Variants in RGL1 observed in about 807,000 individuals in gnomAD.
The protein encoded by RGL1 is ral guanine nucleotide dissociation stimulator like 1.
RGL1 carries 24 observed loss-of-function variants against 95.2 expected under a neutral mutation model. The ratio of observed to expected loss-of-function variants is 0.25; its 90% confidence interval spans 0.18 to 0.35. RGL1 has a LOEUF of 0.35. Among genes scored for constraint, RGL1 ranks in the 10% least tolerant of loss-of-function variants. The pLI, the probability that RGL1 is intolerant of heterozygous loss-of-function variation, is 1.00. For missense variants in RGL1, 715 were observed against 936.3 expected, an observed-to-expected ratio of 0.76 and a Z score of 3.08; for synonymous variants, 329 against 344.9, an observed-to-expected ratio of 0.95 and a Z score of 0.51.
chr1:183,826,609 A>G (rs1383986340), intron 2 of RGL1, among the ~76,000 whole-genome samples: 1 of 152,234 alleles, frequency 6.6e-6, no homozygotes, highest in Non-Finnish European at 1.5e-5. Flanking sequence ...AAAAGTGTAT[A>G]GGTATATAGA....
intron 7 of RGL1, among the ~76,000 whole-genome samples, chr1:183,885,845 AATC>A (rs970433267): frequency 9.2e-5 from 14 of 152,160 alleles, no homozygotes; most frequent in African/African-American, 3.4e-4. Context: ...GGGAGAGAGA[AATC>A]ATTTCTGATG....
intron 2 of RGL1, among the ~76,000 whole-genome samples, chr1:183,791,706 G>A (rs1015051396): frequency 6.6e-6 from 1 of 152,206 alleles, no homozygotes; most frequent in Non-Finnish European, 1.5e-5. Flanking sequence ...TTTGATAAGT[G>A]TGGAAGGTAA....
intron 1 of RGL1, among the ~76,000 whole-genome samples, chr1:183,655,999 C>T (rs1474101132): frequency 1.3e-5 from 2 of 152,052 alleles, no homozygotes; most frequent in Admixed American, 6.5e-5. Flanking sequence ...ACACTAGGCC[C>T]CAGCCGACCA....
At chr1:183,781,986 A>G (rs1047439529) in intron 2 of RGL1, among the ~76,000 whole-genome samples, 1 of 152,220 alleles carries the variant, frequency 6.6e-6, no homozygotes, top group South Asian at 2.1e-4. Flanking sequence ...TTTTATTCCT[A>G]AAGTGTTTTC....
chr1:183,894,129 G>T (rs1230861123), intron 9 of RGL1, among the ~76,000 whole-genome samples: 1 of 152,192 alleles, frequency 6.6e-6, no homozygotes, highest in East Asian at 1.9e-4. Context: ...CATCTGGCTG[G>T]AAGGAGATGG....
intron 2 of RGL1, among the ~76,000 whole-genome samples, chr1:183,788,844 G>T (rs558051612): frequency 1.3e-5 from 2 of 152,122 alleles, no homozygotes; most frequent in Admixed American, 1.3e-4. Flanking sequence ...AGGGGGGCAC[G>T]TCCAGGATTC....
At chr1:183,707,802 A>G (rs2102162826) in intron 1 of RGL1, among the ~76,000 whole-genome samples, 1 of 151,974 alleles carries the variant, frequency 6.6e-6, no homozygotes, top group East Asian at 1.9e-4. Context: ...GGGGTTAAAG[A>G]AGATGGTTGA....
intron 1 of RGL1, among the ~76,000 whole-genome samples, chr1:183,668,258 A>G (rs1243214152): frequency 6.6e-6 from 1 of 152,018 alleles, no homozygotes; most frequent in Non-Finnish European, 1.5e-5. Flanking sequence ...AATTCTCTCA[A>G]TTTTTGCCTG....
At position 183,805,225 on chromosome 1, in the gene RGL1, C is replaced by G; in HGVS notation, c.-73C>G. The G allele has an allele frequency of 6.3e-7, 1 of 1,590,050 alleles. No individual in the cohort carries two copies. The highest frequency in any genetic ancestry group is 1.1e-5 in the South Asian group (1 of 87,586). On this transcript the variant is annotated 5_prime_UTR_variant, in exon 1 of 18. Transcript: ENST00000360851. Reference sequence around the variant, plus strand: ...CGGGGCGAGGCGCCGCGGGGCTGAGCCCAGCAGACATTGCGTTGGCCTCCG... The same window carrying G: ...CGGGGCGAGGCGCCGCGGGGCTGAGGCCAGCAGACATTGCGTTGGCCTCCG...
chr1:183,790,490 C>T (rs1660392699), intron 2 of RGL1, among the ~76,000 whole-genome samples: 1 of 152,072 alleles, frequency 6.6e-6, no homozygotes, highest in Non-Finnish European at 1.5e-5. Flanking sequence ...CATGCCTTAC[C>T]CTCAAGCCTT....
chr1:183,872,034 A>G (rs1666213038), intron 4 of RGL1, among the ~76,000 whole-genome samples: 1 of 152,242 alleles, frequency 6.6e-6, no homozygotes, highest in Non-Finnish European at 1.5e-5. Flanking sequence ...GCCACTATTT[A>G]TCAATTAGGA....
At chr1:183,848,120 C>T (rs1664566879) in intron 3 of RGL1, among the ~76,000 whole-genome samples, 1 of 152,062 alleles carries the variant, frequency 6.6e-6, no homozygotes, top group African/African-American at 2.4e-5. Context: ...AAGAATTTTA[C>T]TGGGATGTTG....
intron 1 of RGL1, chr1:183,647,056 T>C (rs755276892): frequency 6.6e-6 from 1 of 152,262 alleles, no homozygotes; most frequent in Non-Finnish European, 1.5e-5. Context: ...CTCTATCATC[T>C]GCTCAGAAGG....
At chr1:183,696,682 C>T (rs566283739) in intron 1 of RGL1, among the ~76,000 whole-genome samples, 193 of 152,182 alleles carry the variant, frequency 1.3e-3, no homozygotes, top group Admixed American at 2.4e-3. Context: ...ACATCTCAAA[C>T]TTCTCATGTT....
chr1:183,858,743 C>A (rs1306816421), intron 3 of RGL1, among the ~76,000 whole-genome samples: 1 of 152,038 alleles, frequency 6.6e-6, no homozygotes, highest in Non-Finnish European at 1.5e-5. Flanking sequence ...GCCCCTAGTC[C>A]TGGGAACACA....
intron 1 of RGL1, among the ~76,000 whole-genome samples, chr1:183,717,576 T>A (rs1011466895): frequency 1.3e-5 from 2 of 152,206 alleles, no homozygotes; most frequent in Non-Finnish European, 2.9e-5. Context: ...TTTATTTATA[T>A]TTGGTACTTT....
intron 2 of RGL1, among the ~76,000 whole-genome samples, chr1:183,836,001 C>G (rs1478578096): frequency 6.6e-6 from 1 of 152,124 alleles, no homozygotes; most frequent in African/African-American, 2.4e-5. Context: ...GCTTTAATGC[C>G]TATGCTAATT....
At chr1:183,915,287 T>C (rs1668892445) in intron 15 of RGL1, among the ~76,000 whole-genome samples, 1 of 152,216 alleles carries the variant, frequency 6.6e-6, no homozygotes, top group Admixed American at 6.5e-5. Context: ...CCAGAATATT[T>C]TATAGGATTA....
intron 2 of RGL1, among the ~76,000 whole-genome samples, chr1:183,823,653 G>A (rs182660439): frequency 1.3e-5 from 2 of 152,094 alleles, no homozygotes; most frequent in Admixed American, 6.5e-5. Context: ...TTCAACTTAC[G>A]GAGTTCCACT....
Sources: allele counts gnomAD v4.1 joint callset (sites outside exome capture counted in the v4.1 genomes callset), GRCh38; gene constraint gnomAD v4.1.1; transcripts MANE v1.5; gene names NCBI Gene and HGNC (gene_info 2026-07-23, HGNC 2026-07-21).